GLMN: variants seen among roughly 807,000 people sequenced by gnomAD.
GLMN encodes the protein glomulin, FKBP associated protein.
A neutral mutation model predicts 87.8 loss-of-function variants in GLMN; 75 were observed. That is an observed-to-expected ratio of 0.85 (90% confidence interval 0.71 to 1.04). GLMN has a LOEUF of 1.04. GLMN is among the 50% of genes least tolerant of loss of function. GLMN has a pLI of 0.00. For synonymous variants in GLMN, 206 were observed against 221.6 expected (o/e 0.93, Z 0.63); for missense variants, 588 against 658.8 (o/e 0.89, Z 1.18).
intron 16 of GLMN, among the ~76,000 whole-genome samples, chr1:92,261,382 G>A (rs1167154593): frequency 1.3e-5 from 2 of 152,204 alleles, no homozygotes; most frequent in Non-Finnish European, 1.5e-5. Context: ...TTGGGAGGCC[G>A]AGGTGGGAGG....
chr1:92,333,902 C>T, the GLMN span, among the ~76,000 whole-genome samples: 17 of 152,216 alleles, frequency 1.1e-4, no homozygotes, highest in Admixed American at 1.0e-3. Flanking sequence ...CCATTTCACA[C>T]TCAGCAACAT....
chr1:92,265,312 T>A (rs1553137890), intron 13 of GLMN, among the ~76,000 whole-genome samples: 1 of 128,876 alleles, frequency 7.8e-6, no homozygotes. Flanking sequence ...AGTGCTAGAG[T>A]AGCTTAATTG....
At chr1:92,362,518 G>A in the GLMN span, among the ~76,000 whole-genome samples, 1 of 152,138 alleles carries the variant, frequency 6.6e-6, no homozygotes, top group Non-Finnish European at 1.5e-5. Context: ...TTGGCTGTTT[G>A]TCATTTTAGT....
At chr1:92,348,056 C>A in the GLMN span, among the ~76,000 whole-genome samples, 2 of 152,010 alleles carry the variant, frequency 1.3e-5, no homozygotes, top group African/African-American at 4.8e-5. Context: ...ATTACAGGCA[C>A]CTGCCACCAT....
chr1:92,300,355 G>A, upstream of GLMN: 3 of 773,682 alleles, frequency 3.9e-6, no homozygotes, highest in Non-Finnish European at 6.4e-6. Context: ...ATCATGAGAG[G>A]GAAGGGAAAG....
intron 5 of GLMN, among the ~76,000 whole-genome samples, chr1:92,289,421 A>G (rs559788144): frequency 6.6e-6 from 1 of 152,296 alleles, no homozygotes; most frequent in South Asian, 2.1e-4. Flanking sequence ...TGTTCTTTCC[A>G]TGTTTTTGGG....
chr1:92,304,034 A>T, the GLMN span: 11 of 1,613,166 alleles, frequency 6.8e-6, no homozygotes, highest in Non-Finnish European at 9.3e-6. Flanking sequence ...TTCTATTGTC[A>T]AACTCTGTGG....
At chr1:92,333,477 A>G in the GLMN span, 1 of 1,602,654 alleles carries the variant, frequency 6.2e-7, no homozygotes, top group Non-Finnish European at 8.5e-7. Context: ...GTAAAGTGTA[A>G]GTATGTAATT....
At chr1:92,351,351 TA>T in the GLMN span, among the ~76,000 whole-genome samples, 1 of 148,588 alleles carries the variant, frequency 6.7e-6, no homozygotes, top group Admixed American at 6.7e-5. Context: ...ATGAATTGCA[TA>T]AAATTATATT....
At chr1:92,260,025 A>G (rs868369383) in intron 16 of GLMN, among the ~76,000 whole-genome samples, 8 of 151,668 alleles carry the variant, frequency 5.3e-5, no homozygotes, top group South Asian at 2.1e-4. Flanking sequence ...GTGAGCCACC[A>G]CGCCCAGCCC....
chr1:92,254,259 T>C (rs1653935067), intron 16 of GLMN, among the ~76,000 whole-genome samples: 2 of 152,136 alleles, frequency 1.3e-5, no homozygotes, highest in Non-Finnish European at 2.9e-5. Flanking sequence ...CCAAGAAATA[T>C]GGGACTATGT....
At chr1:92,357,315 A>T in the GLMN span, among the ~76,000 whole-genome samples, 26 of 152,204 alleles carry the variant, frequency 1.7e-4, no homozygotes, top group African/African-American at 6.0e-4. Flanking sequence ...AAAAGGCACA[A>T]AATATTGTTG....
the GLMN span, among the ~76,000 whole-genome samples, chr1:92,315,970 TAG>T: frequency 1.3e-5 from 2 of 152,224 alleles, no homozygotes; most frequent in African/African-American, 4.8e-5. Context: ...ACAGACCACA[TAG>T]AGTTTTGATG....
intron 16 of GLMN, among the ~76,000 whole-genome samples, chr1:92,250,896 A>C (rs2100786716): frequency 6.6e-6 from 1 of 152,304 alleles, no homozygotes; most frequent in Non-Finnish European, 1.5e-5. Flanking sequence ...AGCTTTGACA[A>C]AGATATATAG....
the GLMN span, among the ~76,000 whole-genome samples, chr1:92,347,969 G>C: frequency 6.6e-6 from 1 of 152,012 alleles, no homozygotes; most frequent in African/African-American, 2.4e-5. Flanking sequence ...GAGTGCAATG[G>C]CACAATCTCG....
At chr1:92,273,753 G>A (rs1322022928) in intron 7 of GLMN, among the ~76,000 whole-genome samples, 2 of 151,982 alleles carry the variant, frequency 1.3e-5, no homozygotes, top group Non-Finnish European at 2.9e-5. Context: ...ACCGTGCCCA[G>A]CCTAAGATAC....
the GLMN span, among the ~76,000 whole-genome samples, chr1:92,340,251 A>G: frequency 0.012 from 1,826 of 152,306 alleles, 34 homozygotes; most frequent in African/African-American, 0.042. Flanking sequence ...TCCTTCAGAA[A>G]AGTGTCAGTT....
chr1:92,329,547 C>T, the GLMN span, among the ~76,000 whole-genome samples: 20,286 of 152,254 alleles, frequency 0.13, 1,830 homozygotes, highest in Non-Finnish European at 0.2. Flanking sequence ...AGCAAGCTGA[C>T]TCACAGTTCC....
At chr1:92,348,777 T>C in the GLMN span, among the ~76,000 whole-genome samples, 36 of 152,318 alleles carry the variant, frequency 2.4e-4, no homozygotes, top group Admixed American at 1.0e-3. Flanking sequence ...TAAAACTCCA[T>C]TGACTTCTAT....
Sources: gnomAD v4.1 joint callset for allele counts (sites outside exome capture counted in the v4.1 genomes callset) on GRCh38, gnomAD v4.1.1 for gene constraint, MANE v1.5 for transcripts, NCBI Gene and HGNC (gene_info 2026-07-23, HGNC 2026-07-21) for gene names.